Variants in STK39 observed in about 807,000 individuals in gnomAD.
STK39 encodes serine/threonine kinase 39.
STK39 carries 20 observed loss-of-function variants against 77.8 expected under a neutral mutation model. The ratio of observed to expected loss-of-function variants is 0.26; its 90% CI spans 0.18 to 0.37. STK39 has a LOEUF of 0.37. Among genes scored for constraint, STK39 ranks in the 10% least tolerant of loss-of-function variants. The probability of loss-of-function intolerance (pLI) is 1.00; values close to 1 mark genes in which losing one functional copy is unlikely to be tolerated. For synonymous variants in STK39, 246 were observed against 234.1 expected (o/e 1.05, Z -0.47); for missense variants, 479 against 656.5 (o/e 0.73, Z 2.95).
chr2:167,993,097 T>G (rs1418485270), intron 16 of STK39, among the ~76,000 whole-genome samples: 1 of 152,226 alleles, frequency 6.6e-6, no homozygotes, highest in Non-Finnish European at 1.5e-5. Context: ...AAAAGCAACG[T>G]AATAAGTTTT....
At chr2:167,976,707 T>C (rs1683285719) in intron 16 of STK39, among the ~76,000 whole-genome samples, 1 of 152,024 alleles carries the variant, frequency 6.6e-6, no homozygotes, top group African/African-American at 2.4e-5. Flanking sequence ...CCCCCTATGA[T>C]TTTATCTCTG....
In STK39 at chr2:168,187,684, T is replaced by C. The variant is rs181848129; in HGVS notation, c.209-5594A>G. 4.4e-3 allele frequency among the ~76,000 whole-genome samples: 672 copies of C among 152,362 alleles called. 5 individuals carry two copies. Among genetic ancestry groups the C allele is most frequent in the Middle Eastern group, 0.017 (5 of 294 alleles). ...CATTTTAATACCACGTAATATTTCATAGTATTAATGTACCATAATTTATTC... is the reference window on the plus strand; with the variant it reads ...CATTTTAATACCACGTAATATTTCACAGTATTAATGTACCATAATTTATTC... On this transcript the variant is annotated intron_variant, in intron 1 of 17. Coordinates refer to ENST00000355999, the MANE Select transcript of STK39 (RefSeq NM_013233.3).
intron 10 of STK39, among the ~76,000 whole-genome samples, chr2:168,088,753 A>G (rs1449402510): frequency 1.3e-5 from 2 of 152,172 alleles, no homozygotes; most frequent in Non-Finnish European, 2.9e-5. Flanking sequence ...TGCACATAGC[A>G]TTTTGGGAAG....
chr2:168,042,563 T>C (rs966884740), intron 14 of STK39, among the ~76,000 whole-genome samples: 8 of 149,948 alleles, frequency 5.3e-5, no homozygotes, highest in African/African-American at 1.5e-4. Context: ...ATCTTAATTC[T>C]ATCTTCCTTC....
intron 1 of STK39, among the ~76,000 whole-genome samples, chr2:168,191,164 T>C (rs999904722): frequency 2.0e-5 from 3 of 152,208 alleles, no homozygotes; most frequent in Non-Finnish European, 4.4e-5. Context: ...TATAGGCACG[T>C]TGGCTTTGCA....
chr2:168,085,784 CCCTCTCCTTGAAT>C (rs1204315176), intron 10 of STK39, among the ~76,000 whole-genome samples: 3 of 152,208 alleles, frequency 2.0e-5, no homozygotes, highest in Non-Finnish European at 4.4e-5. Context: ...GAGTCCAGTG[CCCTCTCCTTGAAT>C]CTGGGTGGAT....
At chr2:167,959,677 A>G (rs1691890041) in intron 17 of STK39, among the ~76,000 whole-genome samples, 1 of 152,198 alleles carries the variant, frequency 6.6e-6, no homozygotes, top group Non-Finnish European at 1.5e-5. Context: ...GAACACTCAA[A>G]AGATGTGTCC....
intron 1 of STK39, among the ~76,000 whole-genome samples, chr2:168,216,578 A>C (rs1690029982): frequency 6.6e-6 from 1 of 152,254 alleles, no homozygotes; most frequent in Admixed American, 6.5e-5. Context: ...GAAGGGGCTA[A>C]ATGTCTTTTT....
intron 5 of STK39, among the ~76,000 whole-genome samples, chr2:168,147,123 A>C (rs1459666969): frequency 6.6e-6 from 1 of 152,226 alleles, no homozygotes; most frequent in East Asian, 1.9e-4. Flanking sequence ...TTCTCTGAGT[A>C]AAGATCAAGT....
intron 8 of STK39, among the ~76,000 whole-genome samples, chr2:168,131,591 CT>C (rs1171344916): frequency 3.3e-5 from 5 of 152,182 alleles, no homozygotes; most frequent in African/African-American, 4.8e-5. Flanking sequence ...AAGAAATTTT[CT>C]GTGTAAATCA....
At chr2:168,063,143 T>G (rs1265263398) in intron 14 of STK39, among the ~76,000 whole-genome samples, 2 of 151,964 alleles carry the variant, frequency 1.3e-5, no homozygotes, top group African/African-American at 4.8e-5. Flanking sequence ...AGAGACCGAC[T>G]GCTGAAGTGT....
chr2:167,965,706 G>C (rs1436539405), intron 16 of STK39, among the ~76,000 whole-genome samples: 1 of 152,056 alleles, frequency 6.6e-6, no homozygotes, highest in Non-Finnish European at 1.5e-5. Flanking sequence ...TTTTTTATGA[G>C]TAAAATTATC....
At chr2:168,136,619 C>T (rs572838183) in intron 8 of STK39, among the ~76,000 whole-genome samples, 2 of 152,222 alleles carry the variant, frequency 1.3e-5, no homozygotes, top group African/African-American at 2.4e-5. Context: ...TCTATAATAA[C>T]CTAGTACTAA....
intron 10 of STK39, among the ~76,000 whole-genome samples, chr2:168,080,051 C>T (rs1336544324): frequency 6.6e-6 from 1 of 152,158 alleles, no homozygotes; most frequent in African/African-American, 2.4e-5. Context: ...CTCAGTTCAC[C>T]AGCCCCAATC....
intron 10 of STK39, chr2:168,112,935 T>C (rs1482368205): frequency 6.6e-6 from 1 of 152,236 alleles, no homozygotes; most frequent in Non-Finnish European, 1.5e-5. Flanking sequence ...CAGTGTGCTC[T>C]GGCCACTGGG....
At chr2:168,151,358 T>A (rs754141367) in intron 5 of STK39, among the ~76,000 whole-genome samples, 1 of 152,190 alleles carries the variant, frequency 6.6e-6, no homozygotes, top group South Asian at 2.1e-4. Flanking sequence ...ACTCTTGACA[T>A]TGCCATCAAC....
At chr2:168,148,408 G>C (rs1688196242) in intron 5 of STK39, among the ~76,000 whole-genome samples, 1 of 152,178 alleles carries the variant, frequency 6.6e-6, no homozygotes. Context: ...TCCAAAGCAG[G>C]AGAAAGCTTT....
Position 168,086,864 on chromosome 2 carries a change from C to T in STK39, c.1090-11633G>A, listed in dbSNP as rs576621883. Reference sequence around the variant, plus strand: ...GGAGGCAGCACAAAGCACAGAGAAGCAATTAGATTTCTTATTCTGCATCAG... The same window carrying T: ...GGAGGCAGCACAAAGCACAGAGAAGTAATTAGATTTCTTATTCTGCATCAG... On this transcript the variant is annotated intron_variant, in intron 10 of 17. Coordinates refer to ENST00000355999, the MANE Select transcript of STK39 (RefSeq NM_013233.3). Among the ~76,000 whole-genome samples, 21 of 152,302 alleles carry T rather than the reference C, an allele frequency of 1.4e-4. No homozygotes were observed. In the South Asian group the frequency reaches 2.9e-3, roughly 21 times the overall value.
rs897043876 is a variant in STK39 at position 168,233,444 on chromosome 2, T to C, written c.208+13784A>G. ...CTTAATCTCCCTACACAGATTTTTTTCCCACCCCTCAGTCATTAATTCCTT... is the reference window on the plus strand; with the variant it reads ...CTTAATCTCCCTACACAGATTTTTTCCCCACCCCTCAGTCATTAATTCCTT... On this transcript the variant is annotated intron_variant, in intron 1 of 17. Transcript: ENST00000355999. 3.9e-5 allele frequency among the ~76,000 whole-genome samples: 6 copies of C among 152,358 alleles called. No homozygotes were observed. The East Asian group carries it at 9.6e-4, about 24-fold the overall frequency.
Sources: allele counts gnomAD v4.1 joint callset (sites outside exome capture counted in the v4.1 genomes callset), GRCh38; gene constraint gnomAD v4.1.1; transcripts MANE v1.5; gene names NCBI Gene and HGNC (gene_info 2026-07-23, HGNC 2026-07-21).